CACNA1D: variants seen among roughly 807,000 people sequenced by gnomAD.
CACNA1D encodes calcium voltage-gated channel subunit alpha1 D, also known as voltage-dependent L-type calcium channel subunit alpha-1D.
In CACNA1D, 55 loss-of-function variants were observed where a neutral mutation model predicts 257.1. The observed-to-expected ratio is 0.21, with a 90% CI of 0.17 to 0.27. CACNA1D has a LOEUF of 0.27. CACNA1D is among the 10% of genes least tolerant of loss of function. The probability of loss-of-function intolerance (pLI) is 1.00; values close to 1 mark genes in which losing one functional copy is unlikely to be tolerated. For synonymous variants in CACNA1D, 980 were observed against 1,014.9 expected (o/e 0.97, Z 0.65); for missense variants, 1,876 against 2,784.0 (o/e 0.67, Z 7.34).
chr3:53,633,836 T>C (rs1576170434), intron 3 of CACNA1D, among the ~76,000 whole-genome samples: 1 of 152,088 alleles, frequency 6.6e-6, no homozygotes, highest in Non-Finnish European at 1.5e-5. Context: ...TGGATTTGGG[T>C]TTTTTAAGTT....
Position 53,800,348 on chromosome 3 carries a change from G to A in CACNA1D, c.5023G>A (p.Glu1675Lys), listed in dbSNP as rs2095529983. The A allele has an allele frequency of 6.2e-7, 1 of 1,608,820 alleles. No homozygotes were observed. Among genetic ancestry groups the A allele is most frequent in the Admixed American group, 1.7e-5 (1 of 60,008 alleles). Residue 1675 changes from glutamate to lysine, a missense_variant, in exon 41 of 48, where the codon GAA becomes AAA. Transcript: ENST00000350061. This position sits in a 1 kb window ranked among gnomAD's most constrained non-coding sequence, Gnocchi z 4.3. ...GCCTGAGGAAACAAAACGAGAAGAAGAAGATGATGTGTTCAAAGTAATTAT... is the reference window on the plus strand; with the variant it reads ...GCCTGAGGAAACAAAACGAGAAGAAAAAGATGATGTGTTCAAAGTAATTAT... ...DEPEETKREEEDDVFKRNGAL... is the reference protein window; with the variant it reads ...DEPEETKREEKDDVFKRNGAL...
intron 7 of CACNA1D, among the ~76,000 whole-genome samples, chr3:53,670,271 TTCAGCA>T (rs1438592744): frequency 2.0e-5 from 3 of 152,216 alleles, no homozygotes; most frequent in Admixed American, 1.3e-4. Context: ...CAGAAGTGTT[TTCAGCA>T]GCTAGAAAAA....
intron 9 of CACNA1D, among the ~76,000 whole-genome samples, chr3:53,705,920 C>G (rs2094684022): frequency 6.6e-6 from 1 of 152,242 alleles, no homozygotes; most frequent in Admixed American, 6.5e-5. Flanking sequence ...ACATGGTCCT[C>G]CTCACCAAAT....
chr3:53,496,549 G>A (rs1438015325), intron 1 of CACNA1D, among the ~76,000 whole-genome samples: 1 of 152,214 alleles, frequency 6.6e-6, no homozygotes, highest in Non-Finnish European at 1.5e-5. Context: ...ATTTTCATTT[G>A]CAGGAAGTGT....
chr3:53,589,611 T>C (rs1169906579), intron 3 of CACNA1D, among the ~76,000 whole-genome samples: 2 of 152,202 alleles, frequency 1.3e-5, no homozygotes, highest in Non-Finnish European at 2.9e-5. Context: ...CATTTTCCTC[T>C]ATGTGCTTTT....
intron 9 of CACNA1D, among the ~76,000 whole-genome samples, chr3:53,707,249 CA>C (rs2094699899): frequency 6.6e-6 from 1 of 152,006 alleles, no homozygotes; most frequent in Admixed American, 6.6e-5. Flanking sequence ...TTCTTGATGC[CA>C]TACTCCACCC....
chr3:53,517,555 C>A (rs1343991817), intron 3 of CACNA1D, among the ~76,000 whole-genome samples: 1 of 151,534 alleles, frequency 6.6e-6, no homozygotes, highest in Non-Finnish European at 1.5e-5. Context: ...AGTATCTTGG[C>A]TCACTGCAAC....
intron 3 of CACNA1D, among the ~76,000 whole-genome samples, chr3:53,598,285 C>T (rs1475182577): frequency 6.6e-6 from 1 of 151,916 alleles, no homozygotes; most frequent in Non-Finnish European, 1.5e-5. Flanking sequence ...TAAAGAAATG[C>T]CTTGTTCTGG....
Position 53,723,355 on chromosome 3 carries a change from G to A in CACNA1D, c.1667-79G>A. On this transcript the variant is annotated intron_variant, in intron 12 of 47. Coordinates refer to ENST00000350061, the MANE Select transcript of CACNA1D (RefSeq NM_001128840.3). This position sits in a 1 kb window ranked among gnomAD's most constrained non-coding sequence, Gnocchi z 5.6. Reference sequence around the variant, plus strand: ...GCGTATTTCCTGTGGGGCCTGATAGGGAGGGAGGTGTGAGGGGCACGAGCA... The same window carrying A: ...GCGTATTTCCTGTGGGGCCTGATAGAGAGGGAGGTGTGAGGGGCACGAGCA... The A allele has an allele frequency of 1.0e-6, 1 of 969,336 alleles. No individual in the cohort carries two copies. Among genetic ancestry groups the A allele is most frequent in the Non-Finnish European group, 1.7e-6 (1 of 592,286 alleles). 60.0% of individuals were successfully genotyped at this position (969,336 alleles called of 1,614,324 possible). A position where few individuals can be genotyped will look rare whatever the true frequency, so the allele number is the denominator to read the frequency against.
Position 53,666,382 on chromosome 3 carries a change from G to C in CACNA1D, c.963G>C (p.Gly321=). ...ACCCAGCTCCATGTGCGTTCTCAGG[G>C]AATGGACGCCAGTGTACTGCCAATG... ...EEDPAPCAFS[G]NGRQCTANGT... The change falls in exon 7 of 48, where the codon GGG becomes GGC. Residue 321 remains glycine, a synonymous_variant. Transcript: ENST00000350061. 1 of 1,614,210 alleles carries C rather than the reference G, an allele frequency of 6.2e-7. No individual in the cohort carries two copies. The highest frequency in any genetic ancestry group is 8.5e-7 in the Non-Finnish European group (1 of 1,180,038).
chr3:53,578,958 G>T (rs532498840), intron 3 of CACNA1D, among the ~76,000 whole-genome samples: 160 of 152,264 alleles, frequency 1.1e-3, no homozygotes, highest in Middle Eastern at 3.4e-3. Context: ...TTTGAGGAAG[G>T]GGGAGTAAAG....
intron 11 of CACNA1D, among the ~76,000 whole-genome samples, chr3:53,721,284 A>T (rs1362122648): frequency 6.6e-6 from 1 of 152,226 alleles, no homozygotes; most frequent in East Asian, 1.9e-4. Flanking sequence ...TTCCTGGGTT[A>T]CAGATTTTCT....
chr3:53,729,719 A>G (rs948026489), intron 15 of CACNA1D, among the ~76,000 whole-genome samples: 2 of 152,214 alleles, frequency 1.3e-5, no homozygotes, highest in African/African-American at 2.4e-5. Flanking sequence ...TTTAACTGGA[A>G]CTGCAATGAG....
At chr3:53,803,680 A>T in intron 44 of CACNA1D, 108 bp downstream of exon 44, 1 of 1,087,200 alleles carries the variant, frequency 9.2e-7, no homozygotes, top group Non-Finnish European at 1.4e-6. Flanking sequence ...TCCCCTAAAA[A>T]GCAAAATGGG....
chr3:53,651,791 C>T (rs1045293722), intron 4 of CACNA1D, among the ~76,000 whole-genome samples: 1 of 152,198 alleles, frequency 6.6e-6, no homozygotes, highest in Non-Finnish European at 1.5e-5. Context: ...CTGTTTTCAT[C>T]TTCATGACTT....
intron 8 of CACNA1D, among the ~76,000 whole-genome samples, chr3:53,684,347 C>T (rs1166615016): frequency 1.3e-5 from 2 of 152,144 alleles, no homozygotes; most frequent in Admixed American, 1.3e-4. Flanking sequence ...CATGGCCGGG[C>T]ACGGTGGCTT....
At chr3:53,725,658 T>C (rs893658147) in intron 14 of CACNA1D, among the ~76,000 whole-genome samples, 2 of 152,248 alleles carry the variant, frequency 1.3e-5, no homozygotes, top group African/African-American at 2.4e-5. Flanking sequence ...TTCATTGTAC[T>C]TTTAAAAGAT....
chr3:53,716,654 C>A (rs2169143), intron 9 of CACNA1D, among the ~76,000 whole-genome samples: 1 of 152,002 alleles, frequency 6.6e-6, no homozygotes, highest in African/African-American at 2.4e-5. Flanking sequence ...GGTTTCTTCT[C>A]ACTTAGGAAA....
chr3:53,707,635 T>G (rs908824390), intron 9 of CACNA1D, among the ~76,000 whole-genome samples: 2 of 152,244 alleles, frequency 1.3e-5, no homozygotes, highest in Non-Finnish European at 2.9e-5. Context: ...AACTTTTTGC[T>G]GAGCTTCAAG....
Sources: gnomAD v4.1 joint callset for allele counts (sites outside exome capture counted in the v4.1 genomes callset) on GRCh38, gnomAD v4.1.1 for gene constraint, Gnocchi (gnomAD v3.1) non-coding constraint, MANE v1.5 for transcripts, NCBI Gene and HGNC (gene_info 2026-07-23, HGNC 2026-07-21) for gene names.